The following CWF19L2 variants were observed in gnomAD, a reference collection of about 807,000 sequenced individuals.
CWF19L2 encodes the protein CWF19-like protein 2.
A neutral mutation model predicts 111.7 loss-of-function variants in CWF19L2; 98 were observed. That is an observed-to-expected ratio of 0.88 (90% confidence interval 0.75 to 1.04). CWF19L2 has a LOEUF of 1.04. CWF19L2 is among the 50% of genes least tolerant of loss of function. The pLI is 0.00. For synonymous variants in CWF19L2, 351 were observed against 342.9 expected (o/e 1.02, Z -0.26); for missense variants, 1,101 against 1,051.4 (o/e 1.05, Z -0.65).
At chr11:107,330,495 C>A (rs79704175) in intron 16 of CWF19L2, among the ~76,000 whole-genome samples, 2 of 151,910 alleles carry the variant, frequency 1.3e-5, no homozygotes, top group Non-Finnish European at 2.9e-5. Context: ...TAATTTTTTA[C>A]GAGCTGGTGA....
intron 12 of CWF19L2, among the ~76,000 whole-genome samples, chr11:107,375,236 C>A: frequency 7.5e-6 from 1 of 132,938 alleles, no homozygotes; most frequent in Non-Finnish European, 1.6e-5. Context: ...AACAAGGATA[C>A]CCAGGAATTG....
chr11:107,355,641 A>G (rs1860226842), intron 12 of CWF19L2, among the ~76,000 whole-genome samples: 1 of 152,210 alleles, frequency 6.6e-6, no homozygotes, highest in Admixed American at 6.5e-5. Context: ...AGAGGACACA[A>G]CATTCTGTAG....
chr11:107,412,561 G>A (rs190030358), intron 10 of CWF19L2, among the ~76,000 whole-genome samples: 8 of 152,180 alleles, frequency 5.3e-5, no homozygotes, highest in Non-Finnish European at 8.8e-5. Flanking sequence ...GGCTAGTCTC[G>A]AACTCCTGAC....
chr11:107,386,656 C>T (rs1246361607), intron 12 of CWF19L2, among the ~76,000 whole-genome samples: 1 of 152,198 alleles, frequency 6.6e-6, no homozygotes, highest in Non-Finnish European at 1.5e-5. Flanking sequence ...TCACTGGCTG[C>T]ACTTCTTAGT....
At chr11:107,328,514 C>G (rs1419587622) in intron 17 of CWF19L2, among the ~76,000 whole-genome samples, 1 of 152,140 alleles carries the variant, frequency 6.6e-6, no homozygotes, top group Non-Finnish European at 1.5e-5. Flanking sequence ...AGGTCTTGAG[C>G]CCACAGGCTA....
chr11:107,359,328 T>C (rs1393279566), intron 12 of CWF19L2, among the ~76,000 whole-genome samples: 2 of 152,076 alleles, frequency 1.3e-5, no homozygotes, highest in Non-Finnish European at 2.9e-5. Context: ...AAAATCCCCA[T>C]CATTCTGAAG....
chr11:107,354,376 G>A (rs1043956369), intron 12 of CWF19L2, among the ~76,000 whole-genome samples: 1 of 152,090 alleles, frequency 6.6e-6, no homozygotes, highest in Non-Finnish European at 1.5e-5. Context: ...TCTATCTCCT[G>A]TGTGTATAAC....
intron 10 of CWF19L2, among the ~76,000 whole-genome samples, chr11:107,398,653 G>A (rs372784963): frequency 2.0e-5 from 3 of 152,164 alleles, no homozygotes; most frequent in African/African-American, 2.4e-5. Flanking sequence ...TGTGAGAGAC[G>A]TAGACAGCCA....
intron 10 of CWF19L2, among the ~76,000 whole-genome samples, chr11:107,394,696 T>C (rs1393278312): frequency 1.3e-5 from 2 of 152,244 alleles, no homozygotes; most frequent in Non-Finnish European, 1.5e-5. Context: ...GGGAAACTAC[T>C]CCCCACATGA....
intron 7 of CWF19L2, 24 bp downstream of exon 7, chr11:107,433,610 C>A: frequency 9.2e-7 from 1 of 1,087,294 alleles, no homozygotes; most frequent in Non-Finnish European, 1.3e-6. Context: ...AAATAAGAGG[C>A]ATCTCCTTAA....
At chr11:107,379,947 G>C (rs1860656795) in intron 12 of CWF19L2, among the ~76,000 whole-genome samples, 1 of 146,984 alleles carries the variant, frequency 6.8e-6, no homozygotes, top group South Asian at 2.2e-4. Context: ...TATAGTCCCA[G>C]CTATTCGGGA....
At chr11:107,387,572 ACC>A (rs1320859458) in intron 12 of CWF19L2, among the ~76,000 whole-genome samples, 2 of 152,162 alleles carry the variant, frequency 1.3e-5, no homozygotes, top group East Asian at 1.9e-4. Context: ...CCTTTTTGGC[ACC>A]AAGGACCAGT....
intron 16 of CWF19L2, among the ~76,000 whole-genome samples, chr11:107,330,950 AG>A (rs1461325041): frequency 6.6e-6 from 1 of 152,308 alleles, no homozygotes; most frequent in East Asian, 1.9e-4. Context: ...ACAATGTAGA[AG>A]GGCACAGTAT....
chr11:107,368,266 A>C (rs1358511857), intron 12 of CWF19L2, among the ~76,000 whole-genome samples: 1 of 137,912 alleles, frequency 7.3e-6, no homozygotes, highest in Non-Finnish European at 1.6e-5. Context: ...ATTACAACTG[A>C]TATCACAGAA....
At chr11:107,424,134 T>C (rs1017996914) in intron 8 of CWF19L2, among the ~76,000 whole-genome samples, 34 of 151,472 alleles carry the variant, frequency 2.2e-4, no homozygotes, top group African/African-American at 7.7e-4. Context: ...TAAGAAATAA[T>C]TCCTCAAATT....
chr11:107,417,676 T>C (rs919256442), intron 9 of CWF19L2, among the ~76,000 whole-genome samples: 3 of 152,038 alleles, frequency 2.0e-5, no homozygotes, highest in African/African-American at 4.8e-5. Flanking sequence ...AGTTCCTTAG[T>C]ATCTTCAATT....
intron 11 of CWF19L2, 131 bp downstream of exon 11, chr11:107,392,648 T>A (rs1860865280): frequency 1.8e-6 from 1 of 547,156 alleles, no homozygotes; most frequent in Non-Finnish European, 3.2e-6. Flanking sequence ...AGTAACAACA[T>A]CATTTCCTAC....
At chr11:107,422,855 TA>T (rs955345665) in intron 8 of CWF19L2, among the ~76,000 whole-genome samples, 11 of 151,214 alleles carry the variant, frequency 7.3e-5, no homozygotes, top group African/African-American at 1.7e-4. Flanking sequence ...AGCATTGGAA[TA>T]AAAAAAAATC....
At chr11:107,351,319 T>C (rs1291602889) in intron 13 of CWF19L2, among the ~76,000 whole-genome samples, 1 of 152,000 alleles carries the variant, frequency 6.6e-6, no homozygotes, top group Non-Finnish European at 1.5e-5. Context: ...TACTCCAAGG[T>C]CTAATGCAAG....
Sources: gnomAD v4.1 joint callset for allele counts (sites outside exome capture counted in the v4.1 genomes callset) on GRCh38, gnomAD v4.1.1 for gene constraint, MANE v1.5 for transcripts, NCBI Gene and HGNC (gene_info 2026-07-23, HGNC 2026-07-21) for gene names.